The following SLC38A6 variants were observed in gnomAD, a reference collection of about 807,000 sequenced individuals.
SLC38A6 encodes the protein solute carrier family 38 member 6.
In SLC38A6, 73 loss-of-function variants were observed where a neutral mutation model predicts 65.0. That is an observed-to-expected ratio of 1.12 (90% CI 0.93 to 1.37). SLC38A6 has a LOEUF of 1.37. SLC38A6 is among the 40% of genes most tolerant of loss of function. The pLI is 0.00. For missense variants in SLC38A6, 561 were observed against 531.1 expected, an observed-to-expected ratio of 1.06 and a Z score of -0.55; for synonymous variants, 183 against 178.8, an observed-to-expected ratio of 1.02 and a Z score of -0.19.
chr14:60,991,170 C>T (rs2139711127), intron 3 of SLC38A6, among the ~76,000 whole-genome samples: 1 of 152,226 alleles, frequency 6.6e-6, no homozygotes, highest in Admixed American at 6.5e-5. Context: ...TTCCTTTGCT[C>T]AAAATCCTCC....
intron 4 of SLC38A6, among the ~76,000 whole-genome samples, chr14:61,017,188 T>G (rs1309054399): frequency 1.3e-5 from 2 of 152,120 alleles, no homozygotes; most frequent in Non-Finnish European, 2.9e-5. Flanking sequence ...ATTACAGGCA[T>G]GTGTCACCAG....
intron 1 of SLC38A6, 63 bp downstream of exon 1, chr14:60,981,445 A>C: frequency 6.5e-7 from 1 of 1,547,778 alleles, no homozygotes; most frequent in Non-Finnish European, 8.7e-7. Flanking sequence ...GTGCCTGCCA[A>C]ATAAGACCCA....
At chr14:60,983,124 A>G (rs1368786862) in intron 2 of SLC38A6, among the ~76,000 whole-genome samples, 1 of 152,206 alleles carries the variant, frequency 6.6e-6, no homozygotes, top group Non-Finnish European at 1.5e-5. Flanking sequence ...AGTTTGCCCA[A>G]AATAGAAGAC....
At chr14:61,000,503 C>T (rs923815046) in intron 3 of SLC38A6, among the ~76,000 whole-genome samples, 3 of 152,114 alleles carry the variant, frequency 2.0e-5, no homozygotes, top group African/African-American at 4.8e-5. Flanking sequence ...TGATGGCGGG[C>T]GCCTGTAATC....
intron 3 of SLC38A6, among the ~76,000 whole-genome samples, chr14:61,001,553 C>G (rs1385158643): frequency 2.6e-5 from 4 of 152,186 alleles, no homozygotes; most frequent in Non-Finnish European, 5.9e-5. Context: ...TTATGCAGAA[C>G]TTAGAACAGT....
chr14:61,010,979 G>A (rs1000325660), intron 3 of SLC38A6, among the ~76,000 whole-genome samples: 1 of 152,134 alleles, frequency 6.6e-6, no homozygotes, highest in Non-Finnish European at 1.5e-5. Flanking sequence ...TGGGCAGTAT[G>A]GCCATTTTCA....
chr14:61,046,828 A>ACAC (rs1283079232), intron 12 of SLC38A6, among the ~76,000 whole-genome samples: 1 of 152,198 alleles, frequency 6.6e-6, no homozygotes, highest in African/African-American at 2.4e-5. Flanking sequence ...AGTTCTGTGT[A>ACAC]CACCATCAGG....
intron 15 of SLC38A6, among the ~76,000 whole-genome samples, chr14:61,072,997 C>G (rs945433397): frequency 6.6e-6 from 1 of 152,220 alleles, no homozygotes. Flanking sequence ...TCCCCCCCAA[C>G]AGTGCATAAA....
chr14:61,050,486 T>G, intron 12 of SLC38A6, 26 bp from the exon 13 acceptor site: 1 of 1,445,600 alleles, frequency 6.9e-7, no homozygotes. Context: ...TACTTTATAA[T>G]GTGATCCTTA....
intron 2 of SLC38A6, among the ~76,000 whole-genome samples, chr14:60,984,387 A>C (rs1377193553): frequency 6.6e-6 from 1 of 152,224 alleles, no homozygotes; most frequent in Non-Finnish European, 1.5e-5. Flanking sequence ...ACTTAAAATA[A>C]GAAGAAAACC....
At chr14:61,027,462 T>G (rs2040671329) in intron 5 of SLC38A6, among the ~76,000 whole-genome samples, 1 of 152,148 alleles carries the variant, frequency 6.6e-6, no homozygotes, top group South Asian at 2.1e-4. Context: ...TTATGATTGG[T>G]CTGTAAGATA....
intron 3 of SLC38A6, among the ~76,000 whole-genome samples, chr14:61,007,838 A>G (rs919975853): frequency 6.6e-6 from 1 of 152,146 alleles, no homozygotes; most frequent in Non-Finnish European, 1.5e-5. Flanking sequence ...AGGCTTTGGG[A>G]TGTTAAATAT....
intron 11 of SLC38A6, 121 bp from the exon 12 acceptor site, chr14:61,045,946 T>C: frequency 1.7e-6 from 1 of 592,540 alleles, no homozygotes; most frequent in South Asian, 2.4e-5. Flanking sequence ...GGACTTCTAG[T>C]GTATAGTTAT....
intron 16 of SLC38A6, among the ~76,000 whole-genome samples, chr14:61,080,952 C>G (rs1356983883): frequency 6.6e-6 from 1 of 152,216 alleles, no homozygotes; most frequent in East Asian, 1.9e-4. Context: ...GGAAGGTTCA[C>G]ATTGTTGAGT....
At chr14:61,076,728 A>T (rs1200959714) in intron 15 of SLC38A6, among the ~76,000 whole-genome samples, 1 of 152,214 alleles carries the variant, frequency 6.6e-6, no homozygotes, top group Non-Finnish European at 1.5e-5. Flanking sequence ...TCAGCCAGAC[A>T]GTATTTTGGC....
intron 5 of SLC38A6, among the ~76,000 whole-genome samples, chr14:61,022,518 T>G (rs1042827027): frequency 6.6e-6 from 1 of 150,868 alleles, no homozygotes; most frequent in African/African-American, 2.4e-5. Flanking sequence ...AATCGTACAA[T>G]GACCAATGTT....
intron 5 of SLC38A6, among the ~76,000 whole-genome samples, chr14:61,023,718 C>T (rs533452677): frequency 1.2e-4 from 18 of 151,766 alleles, no homozygotes; most frequent in Admixed American, 8.5e-4. Flanking sequence ...TCTCAGTTTT[C>T]ATGAGATACA....
intron 8 of SLC38A6, among the ~76,000 whole-genome samples, chr14:61,042,910 G>A (rs2139782871): frequency 6.6e-6 from 1 of 152,236 alleles, no homozygotes; most frequent in Middle Eastern, 3.4e-3. Context: ...TGACACAGGA[G>A]TACCCTTAGT....
chr14:61,005,984 A>G (rs1333187426), intron 3 of SLC38A6, among the ~76,000 whole-genome samples: 1 of 152,192 alleles, frequency 6.6e-6, no homozygotes, highest in Admixed American at 6.5e-5. Flanking sequence ...ACAGAGATAT[A>G]GATCAATGGA....
Sources: allele counts gnomAD v4.1 joint callset (sites outside exome capture counted in the v4.1 genomes callset), GRCh38; gene constraint gnomAD v4.1.1; transcripts MANE v1.5; gene names NCBI Gene and HGNC (gene_info 2026-07-23, HGNC 2026-07-21).